The following COL4A4 variants were observed in gnomAD, a reference collection of about 807,000 sequenced individuals.
COL4A4 encodes collagen type IV alpha 4 chain, also known as collagen alpha-4(IV) chain.
Under a neutral mutation model 192.9 loss-of-function variants are expected in COL4A4, and 105 were observed. That is an observed-to-expected ratio of 0.54 (90% CI 0.46 to 0.64). The LOEUF (loss-of-function observed/expected upper bound fraction) is 0.64, where lower values mean the gene tolerates loss of function less well. Among genes scored for constraint, COL4A4 ranks in the 30% least tolerant of loss-of-function variants. The pLI, the probability that COL4A4 is intolerant of heterozygous loss-of-function variation, is 0.00. For missense variants in COL4A4, 1,967 were observed against 2,169.3 expected, an observed-to-expected ratio of 0.91 and a Z score of 1.85; for synonymous variants, 762 against 769.9, an observed-to-expected ratio of 0.99 and a Z score of 0.17.
intron 25 of COL4A4, among the ~76,000 whole-genome samples, chr2:227,069,958 G>A (rs868809243): frequency 5.8e-4 from 88 of 150,498 alleles, no homozygotes; most frequent in Middle Eastern, 3.4e-3. Context: ...GAAAATTTTC[G>A]CAACCTACTC....
At chr2:227,094,551 A>T (rs1374361392) in intron 19 of COL4A4, among the ~76,000 whole-genome samples, 1 of 152,148 alleles carries the variant, frequency 6.6e-6, no homozygotes, top group African/African-American at 2.4e-5. Flanking sequence ...GGGGGAAGAG[A>T]GGAATGGAGT....
At chr2:227,021,232 G>A (rs911160263) in intron 44 of COL4A4, among the ~76,000 whole-genome samples, 2 of 152,094 alleles carry the variant, frequency 1.3e-5, no homozygotes, top group African/African-American at 4.8e-5. Flanking sequence ...CTTGAATAAG[G>A]ATCCTGCCAC....
Position 227,141,691 on chromosome 2 carries a change from G to A in COL4A4, c.115-1453C>T, listed in dbSNP as rs994253328. Among the ~76,000 whole-genome samples, 17 of 152,090 alleles carry A rather than the reference G, an allele frequency of 1.1e-4. 1 individual carries two copies. Among genetic ancestry groups the A allele is most frequent in the Non-Finnish European group, 2.2e-4 (15 of 68,026 alleles). ...ATTTGAAGCTTGACGAGAGTCAAGC[G>A]ATTAGATAGTTTAAGTTTAAAAATG... On this transcript the variant is annotated intron_variant, in intron 3 of 47. Coordinates refer to ENST00000396625, the MANE Select transcript of COL4A4 (RefSeq NM_000092.5).
In COL4A4 at chr2:227,163,064, A is replaced by G. The variant is rs532730047; in HGVS notation, c.-102+943T>C. Among the ~76,000 whole-genome samples, 9 of 152,348 alleles carry G rather than the reference A, an allele frequency of 5.9e-5. No homozygotes were observed. In the South Asian group the frequency reaches 1.2e-3, roughly 21 times the overall value. On this transcript the variant is annotated intron_variant, in intron 1 of 47. Transcript: ENST00000396625. The stretch of plus-strand genomic sequence containing the variant: ...TGATCATACTTGGTGTCTGAAGCCA[A>G]TTGCAGCAAATATCAGCAACACTGT...
upstream of COL4A4, chr2:227,164,282 C>A: frequency 4.0e-6 from 1 of 248,834 alleles, no homozygotes; most frequent in Non-Finnish European, 7.8e-6. This position sits in a 1 kb window ranked among gnomAD's most constrained non-coding sequence, Gnocchi z 4.8. Flanking sequence ...AGCCACCTCC[C>A]CACCGCGCAG....
the COL4A4 span, among the ~76,000 whole-genome samples, chr2:226,970,784 G>A: frequency 2.6e-5 from 4 of 152,150 alleles, no homozygotes; most frequent in African/African-American, 4.8e-5. Flanking sequence ...TGAGGCTCAG[G>A]GATGCGACTT....
chr2:227,051,206 G>A (rs1559501204), intron 32 of COL4A4, 48 bp from the exon 33 acceptor site: 2 of 1,597,660 alleles, frequency 1.3e-6, no homozygotes, highest in Non-Finnish European at 1.7e-6. Flanking sequence ...TTTTGAGCTA[G>A]GTAATAGTTA....
rs2060596589 is a variant in COL4A4 at position 227,102,808 on chromosome 2, G to A, written c.911C>T (p.Pro304Leu). The change falls in exon 15 of 48, where the codon CCT (proline) becomes CTT (leucine). Residue 304 changes from proline (P) to leucine (L), a missense_variant. Physicochemically the swap from Pro to Leu is moderately conservative, Grantham distance 98. Coordinates refer to ENST00000396625, the MANE Select transcript of COL4A4 (RefSeq NM_000092.5). ...GIGAKGEKGI[P>L]GFPGPRGDPG... ...GCTTACCCGAGGCCCTGGAAATCCA[G>A]GAATACCTTTTTCTCCTTTTGCCCC... The A allele has an allele frequency of 1.2e-6, 2 of 1,613,582 alleles. No individual in the cohort carries two copies. Among genetic ancestry groups the A allele is most frequent in the East Asian group, 4.5e-5 (2 of 44,848 alleles).
rs1041274560 is a variant in COL4A4, at chr2:227,094,402, A to G, written c.1205-113T>C. 17 of 1,071,898 alleles carry G rather than the reference A, an allele frequency of 1.6e-5. No homozygotes were observed. In the East Asian group the frequency reaches 2.1e-4, roughly 13 times the overall value. 66.4% of individuals were successfully genotyped at this position (1,071,898 alleles called of 1,614,324 possible). A position where few individuals can be genotyped will look rare whatever the true frequency, so the allele number is the denominator to read the frequency against. ...AGGTTATCGAATTTTTTAAAGGGAA[A>G]GAGACGGAGCTGGAGGTCATTATGC... On this transcript the variant is annotated intron_variant, in intron 19 of 47. Transcript: ENST00000396625.
intron 4 of COL4A4, among the ~76,000 whole-genome samples, chr2:227,125,704 C>T (rs1223507547): frequency 1.3e-5 from 2 of 152,180 alleles, no homozygotes; most frequent in Non-Finnish European, 2.9e-5. Context: ...CCCGGGAGCG[C>T]CCCCTCTCTG....
At chr2:227,001,799 A>ATGTT (rs140010172), downstream of COL4A4, among the ~76,000 whole-genome samples, 12 of 152,204 alleles carry the variant, frequency 7.9e-5, no homozygotes, top group African/African-American at 2.2e-4. Context: ...CGGTCAGGGA[A>ATGTT]TGTTTGTTAG....
At chr2:226,971,245 G>C in the COL4A4 span, among the ~76,000 whole-genome samples, 17 of 152,312 alleles carry the variant, frequency 1.1e-4, no homozygotes, top group East Asian at 2.9e-3. Flanking sequence ...ACCGAGGCAG[G>C]TGCTTACTAA....
chr2:227,108,513 A>G lies in COL4A4; in HGVS notation c.735+68T>C, dbSNP rs369240880. 1.3e-4 allele frequency: 197 copies of G among 1,468,892 alleles called. 1 individual carries two copies. In the African/African-American group the frequency reaches 2.2e-3, roughly 17 times the overall value. The allele number at this position is 1,468,892 out of a possible 1,614,324, so 91.0% of individuals were successfully genotyped here. Reference sequence around the variant, plus strand: ...ATGAGTACAAGTTCAAATAATCAGAACAGCCTCCACCCCTGAGCAGCACAC... The same window carrying G: ...ATGAGTACAAGTTCAAATAATCAGAGCAGCCTCCACCCCTGAGCAGCACAC... On this transcript the variant is annotated intron_variant, in intron 12 of 47. Transcript: ENST00000396625.
intron 37 of COL4A4, among the ~76,000 whole-genome samples, chr2:227,041,700 GA>G (rs1308759483): frequency 6.7e-5 from 9 of 134,346 alleles, no homozygotes; most frequent in African/African-American, 2.2e-4. Flanking sequence ...GAGAGAGAGA[GA>G]GAGAAGGAAG....
Position 227,147,523 on chromosome 2 carries a change from C to G in COL4A4, c.-40G>C. On this transcript the variant is annotated 5_prime_UTR_variant, in exon 2 of 48. Transcript: ENST00000396625. ...AGTACTTAAAAAATATTCTGCCAGT[C>G]TTCTCTTCCAGAAGGTTCTTGTTGA... 6.3e-7 allele frequency: 1 copy of G among 1,576,072 alleles called. No homozygotes were observed. The highest frequency in any genetic ancestry group is 2.2e-5 in the East Asian group (1 of 44,656).
At chr2:227,092,294 G>T (rs150142045) in intron 20 of COL4A4, among the ~76,000 whole-genome samples, 371 of 152,170 alleles carry the variant, frequency 2.4e-3, no homozygotes, top group African/African-American at 8.6e-3. Context: ...AGACAAGCAA[G>T]ATCTCCCAAC....
chr2:227,010,386 G>A lies in COL4A4; in HGVS notation c.4449C>T (p.Gly1483=). The A allele has an allele frequency of 2.5e-6, 4 of 1,614,228 alleles. No individual in the cohort carries two copies. The highest frequency in any genetic ancestry group is 3.4e-6 in the Non-Finnish European group (4 of 1,180,020). Residue 1483 remains glycine (G), a synonymous_variant, in exon 46 of 48, where the codon GGC becomes GGT. Transcript: ENST00000396625. ...TATACCCAGTCCAGAGCCTGGGCAT[G>A]CCCAGGGGGCAGGTGGGCTCCTGGT... is the stretch of plus-strand genomic sequence containing the variant. ...QTDQEPTCPL[G]MPRLWTGYSL...
In COL4A4 at chr2:227,042,326, A is replaced by G. The variant is rs1024241817; in HGVS notation, c.3398-71T>C. Reference sequence around the variant, plus strand: ...ATTACATTCACTGCAAAAGTCATCTATGTTCTTAATATATGGGTAACGGAG... The same window carrying G: ...ATTACATTCACTGCAAAAGTCATCTGTGTTCTTAATATATGGGTAACGGAG... On this transcript the variant is annotated intron_variant, in intron 36 of 47. Coordinates refer to ENST00000396625, the MANE Select transcript of COL4A4 (RefSeq NM_000092.5). 4.7e-6 allele frequency: 4 copies of G among 852,238 alleles called. No individual in the cohort carries two copies. The African/African-American group carries it at 5.0e-5, about 11-fold the overall frequency. 52.8% of individuals were successfully genotyped at this position (852,238 alleles called of 1,614,324 possible).
chr2:226,994,369 A>G, the COL4A4 span, among the ~76,000 whole-genome samples: 166 of 152,280 alleles, frequency 1.1e-3, no homozygotes, highest in Non-Finnish European at 2.1e-3. Context: ...GGATGTGGTG[A>G]TGATTGAATG....
Sources: allele counts gnomAD v4.1 joint callset (sites outside exome capture counted in the v4.1 genomes callset), GRCh38; gene constraint gnomAD v4.1.1; non-coding constraint Gnocchi (gnomAD v3.1); transcripts MANE v1.5; gene names NCBI Gene and HGNC (gene_info 2026-07-23, HGNC 2026-07-21).